HS3ST3B1: variants seen among roughly 807,000 people sequenced by gnomAD.
HS3ST3B1 encodes the protein heparan sulfate glucosamine 3-O-sulfotransferase 3B1.
In HS3ST3B1, 13 loss-of-function variants were observed where a neutral mutation model predicts 21.3. The ratio of observed to expected loss-of-function variants is 0.61; its 90% CI spans 0.40 to 0.97. The LOEUF (loss-of-function observed/expected upper bound fraction) is 0.97, where lower values mean the gene tolerates loss of function less well. Among genes scored for constraint, HS3ST3B1 ranks in the 50% least tolerant of loss-of-function variants. The probability of loss-of-function intolerance (pLI) is 0.00; values close to 1 mark genes in which losing one functional copy is unlikely to be tolerated. For synonymous variants in HS3ST3B1, 234 were observed against 254.8 expected, an observed-to-expected ratio of 0.92 and a Z score of 0.78; for missense variants, 459 against 554.8, an observed-to-expected ratio of 0.83 and a Z score of 1.73.
chr17:14,325,789 C>G (rs1020690707), intron 1 of HS3ST3B1, among the ~76,000 whole-genome samples: 2 of 152,188 alleles, frequency 1.3e-5, no homozygotes, highest in African/African-American at 2.4e-5. Flanking sequence ...GGCTCCCTGA[C>G]GCCTAACAAA....
chr17:14,329,702 G>A (rs1007075258), intron 1 of HS3ST3B1, among the ~76,000 whole-genome samples: 1 of 152,092 alleles, frequency 6.6e-6, no homozygotes, highest in Non-Finnish European at 1.5e-5. Flanking sequence ...CATCCTACAG[G>A]GGCACTAAGA....
At chr17:14,323,743 A>G (rs1909725121) in intron 1 of HS3ST3B1, among the ~76,000 whole-genome samples, 1 of 152,180 alleles carries the variant, frequency 6.6e-6, no homozygotes, top group African/African-American at 2.4e-5. Flanking sequence ...TCCAAGTGAC[A>G]AGTGAATCGA....
Position 14,301,441 on chromosome 17 carries a change from A to T in HS3ST3B1, c.-78A>T. ...ACCCGGGCGTCCAGCGTGCCGGGGA[A>T]CCCTCTCTGCGCTCACTGCCCGGCG... On this transcript the variant is annotated 5_prime_UTR_variant, in exon 1 of 2. Coordinates refer to ENST00000360954, the MANE Select transcript of HS3ST3B1 (RefSeq NM_006041.3). 2.4e-6 allele frequency: 3 copies of T among 1,263,460 alleles called. No individual in the cohort carries two copies. The allele number at this position is 1,263,460 out of a possible 1,614,324, so 78.3% of individuals were successfully genotyped here.
chr17:14,326,758 C>T (rs988487620), intron 1 of HS3ST3B1, among the ~76,000 whole-genome samples: 14 of 151,526 alleles, frequency 9.2e-5, no homozygotes, highest in Non-Finnish European at 8.8e-5. Flanking sequence ...ATCTCTACTA[C>T]AAATACAAAA....
chr17:14,319,493 C>T (rs191112033), intron 1 of HS3ST3B1, among the ~76,000 whole-genome samples: 4 of 152,246 alleles, frequency 2.6e-5, no homozygotes, highest in East Asian at 3.9e-4. Flanking sequence ...CACTGATTTT[C>T]GTTTCGTTTC....
In HS3ST3B1 at chr17:14,345,764, T is replaced by G; in HGVS notation, c.*118T>G. The G allele has an allele frequency of 7.9e-7, 1 of 1,272,392 alleles. No individual in the cohort carries two copies. The highest frequency in any genetic ancestry group is 1.1e-6 in the Non-Finnish European group (1 of 943,346). 78.8% of individuals were successfully genotyped at this position (1,272,392 alleles called of 1,614,324 possible). On this transcript the variant is annotated 3_prime_UTR_variant, in exon 2 of 2. Coordinates refer to ENST00000360954, the MANE Select transcript of HS3ST3B1 (RefSeq NM_006041.3). ...TTATTTTTAATTCATAAGCAATTAA[T>G]TCACTAAGCTGCCTAGCCACACTCT...
intron 1 of HS3ST3B1, among the ~76,000 whole-genome samples, chr17:14,309,086 G>C (rs929776745): frequency 6.6e-6 from 1 of 152,236 alleles, no homozygotes; most frequent in Non-Finnish European, 1.5e-5. Context: ...TGCCCCCGAC[G>C]TTGCCACGTG....
At chr17:14,313,283 A>G (rs1277671563) in intron 1 of HS3ST3B1, among the ~76,000 whole-genome samples, 3 of 151,578 alleles carry the variant, frequency 2.0e-5, no homozygotes, top group African/African-American at 7.3e-5. Context: ...TGTCTTATAT[A>G]AAGCTGATCT....
chr17:14,322,083 T>A (rs1909676468), intron 1 of HS3ST3B1, among the ~76,000 whole-genome samples: 10 of 151,882 alleles, frequency 6.6e-5, no homozygotes. Context: ...CTTTTTTTTT[T>A]AATTGTCGGA....
chr17:14,320,474 C>A (rs1303993571), intron 1 of HS3ST3B1, among the ~76,000 whole-genome samples: 1 of 151,934 alleles, frequency 6.6e-6, no homozygotes, highest in Non-Finnish European at 1.5e-5. Flanking sequence ...TGAGGGGAGT[C>A]GAGGATGTTT....
rs1406293890 is a variant in HS3ST3B1 at position 14,301,477 on chromosome 17, C to A, written c.-42C>A. ...GCTCACTGCCCGGCGGGACCCACGC[C>A]ATGTGCTGAGCCATGTCCCTGGCCG... On this transcript the variant is annotated 5_prime_UTR_variant, in exon 1 of 2. Transcript: ENST00000360954. 1.4e-6 allele frequency: 2 copies of A among 1,416,966 alleles called. No individual in the cohort carries two copies. Among genetic ancestry groups the A allele is most frequent in the African/African-American group, 3.0e-5 (2 of 67,000 alleles). 87.8% of individuals were successfully genotyped at this position (1,416,966 alleles called of 1,614,324 possible).
At chr17:14,325,608 T>C (rs1909785444) in intron 1 of HS3ST3B1, among the ~76,000 whole-genome samples, 1 of 152,252 alleles carries the variant, frequency 6.6e-6, no homozygotes, top group South Asian at 2.1e-4. Context: ...AGTCAGATAA[T>C]CAGCGAGCGT....
chr17:14,344,246 C>T (rs1460615431), intron 1 of HS3ST3B1, among the ~76,000 whole-genome samples: 1 of 152,074 alleles, frequency 6.6e-6, no homozygotes, highest in Non-Finnish European at 1.5e-5. Flanking sequence ...ATAACTTCAG[C>T]TTTTATTTTA....
intron 1 of HS3ST3B1, among the ~76,000 whole-genome samples, chr17:14,344,578 T>C (rs1299086328): frequency 2.0e-5 from 3 of 152,174 alleles, no homozygotes. Context: ...ATGGCACATC[T>C]GCCTGGGTTT....
intron 1 of HS3ST3B1, among the ~76,000 whole-genome samples, chr17:14,333,795 C>T (rs1029387458): frequency 6.6e-6 from 1 of 152,086 alleles, no homozygotes; most frequent in Non-Finnish European, 1.5e-5. Flanking sequence ...AGGCTGAGAA[C>T]CTTTTTTTTC....
chr17:14,309,974 T>C (rs527490537), intron 1 of HS3ST3B1, among the ~76,000 whole-genome samples: 3 of 152,324 alleles, frequency 2.0e-5, no homozygotes, highest in Admixed American at 1.3e-4. Context: ...GTTTCGTTTC[T>C]CCCTTTTCTC....
At chr17:14,319,499 G>T (rs983783737) in intron 1 of HS3ST3B1, among the ~76,000 whole-genome samples, 3 of 152,066 alleles carry the variant, frequency 2.0e-5, no homozygotes, top group Non-Finnish European at 4.4e-5. Flanking sequence ...TTTTCGTTTC[G>T]TTTCTTAGAA....
rs1909297165 is a variant in HS3ST3B1 at position 14,311,255 on chromosome 17, A to AG, written c.554+9183_554+9184insG. The stretch of plus-strand genomic sequence containing the variant: ...GGCTAATTAAAAAAAAAAAAAAAAA[A>AG]ACTGTAGAGATGAGATCTCACTATG... On this transcript the variant is annotated intron_variant, in intron 1 of 1. Transcript: ENST00000360954. Among the ~76,000 whole-genome samples, 6 of 147,562 alleles carry AG rather than the reference A, an allele frequency of 4.1e-5. No homozygotes were observed. In the South Asian group the frequency reaches 1.3e-3, roughly 32 times the overall value.
At chr17:14,308,966 C>T (rs968819755) in intron 1 of HS3ST3B1, among the ~76,000 whole-genome samples, 1 of 152,196 alleles carries the variant, frequency 6.6e-6, no homozygotes, top group Admixed American at 6.5e-5. Flanking sequence ...GTGAAAAAAA[C>T]ATTGGGAAGA....
Sources: allele counts gnomAD v4.1 joint callset (sites outside exome capture counted in the v4.1 genomes callset), GRCh38; gene constraint gnomAD v4.1.1; transcripts MANE v1.5; gene names NCBI Gene and HGNC (gene_info 2026-07-23, HGNC 2026-07-21).